Variants in DIP2B observed in about 807,000 individuals in gnomAD.
DIP2B encodes the protein disco-interacting protein 2 homolog B.
DIP2B carries 76 observed loss-of-function variants against 198.0 expected under a neutral mutation model. The ratio of observed to expected loss-of-function variants is 0.38; its 90% CI spans 0.32 to 0.46. The LOEUF (loss-of-function observed/expected upper bound fraction) is 0.46, where lower values mean the gene tolerates loss of function less well. Ranked by LOEUF, DIP2B falls within the 20% of genes least tolerant of loss-of-function variation. The pLI, the probability that DIP2B is intolerant of heterozygous loss-of-function variation, is 0.99. For missense variants in DIP2B, 1,559 were observed against 1,978.4 expected (o/e 0.79, Z 4.02); for synonymous variants, 701 against 739.1 (o/e 0.95, Z 0.84).
At chr12:50,659,400 A>T (rs1170003194) in intron 3 of DIP2B, among the ~76,000 whole-genome samples, 1 of 152,072 alleles carries the variant, frequency 6.6e-6, no homozygotes, top group African/African-American at 2.4e-5. Context: ...CCATTCCTAG[A>T]CAAAAGGAAA....
rs1940315062 is a variant in DIP2B, at chr12:50,744,596, C to G, written c.4488C>G (p.Phe1496Leu). Residue 1496 changes from phenylalanine to leucine, a missense_variant, in exon 38 of 38, where the codon TTC becomes TTG. Physicochemically the swap from Phe to Leu is conservative, Grantham distance 22. Transcript: ENST00000301180. Reference sequence around the variant, plus strand: ...GTCATTGAAATTTCAGTGCCGTGTTCACATGGACCAACTTGCTTGTGGTGG... The same window carrying G: ...GTCATTGAAATTTCAGTGCCGTGTTGACATGGACCAACTTGCTTGTGGTGG... ...IHRSIAECAVFTWTNLLVVVV... is the reference protein window; with the variant it reads ...IHRSIAECAVLTWTNLLVVVV... The G allele has an allele frequency of 1.9e-6, 3 of 1,613,540 alleles. No individual in the cohort carries two copies. The highest frequency in any genetic ancestry group is 2.5e-6 in the Non-Finnish European group (3 of 1,179,642).
intron 10 of DIP2B, among the ~76,000 whole-genome samples, chr12:50,683,849 C>T (rs755984023): frequency 9.2e-5 from 14 of 152,112 alleles, no homozygotes; most frequent in Non-Finnish European, 2.1e-4. Context: ...TGGTGGCTCA[C>T]GCCTGTAATC....
At chr12:50,728,313 C>T (rs1005217194) in intron 29 of DIP2B, among the ~76,000 whole-genome samples, 3 of 151,670 alleles carry the variant, frequency 2.0e-5, no homozygotes, top group African/African-American at 7.3e-5. Context: ...TGCCATTGCA[C>T]CGCAGCCTGG....
chr12:50,741,469 A>G lies in DIP2B; in HGVS notation c.4408A>G (p.Arg1470Gly), dbSNP rs777296647. 1 of 1,614,166 alleles carries G rather than the reference A, an allele frequency of 6.2e-7. No homozygotes were observed. Among genetic ancestry groups the G allele is most frequent in the Non-Finnish European group, 8.5e-7 (1 of 1,180,022 alleles). The change falls in exon 37 of 38, where the codon AGA becomes GGA. Residue 1470 changes from arginine to glycine, a missense_variant. Physicochemically the swap from Arg to Gly is moderately radical, Grantham distance 125 (BLOSUM62 -2). Coordinates refer to ENST00000301180, the MANE Select transcript of DIP2B (RefSeq NM_173602.3). ...AGCGCTGGATGAAACACTGGAGCTGAGAGGATTACGATACCACCCAATTGA... is the reference window on the plus strand; with the variant it reads ...AGCGCTGGATGAAACACTGGAGCTGGGAGGATTACGATACCACCCAATTGA... Reference protein sequence around the residue: ...VGALDETLELRGLRYHPIDIE... With the variant: ...VGALDETLELGGLRYHPIDIE...
chr12:50,656,306 T>G (rs1012027181), intron 3 of DIP2B, among the ~76,000 whole-genome samples: 15 of 152,212 alleles, frequency 9.9e-5, no homozygotes, highest in Non-Finnish European at 2.1e-4. Flanking sequence ...AGGAGCCACT[T>G]TTCCTTGAAG....
chr12:50,719,679 A>G (rs1194970466), intron 25 of DIP2B, among the ~76,000 whole-genome samples: 4 of 151,636 alleles, frequency 2.6e-5, no homozygotes, highest in Non-Finnish European at 5.9e-5. Context: ...TGTCTCTACT[A>G]AAAATATAAA....
chr12:50,694,850 G>A (rs929673842), intron 14 of DIP2B, among the ~76,000 whole-genome samples: 6 of 151,832 alleles, frequency 4.0e-5, no homozygotes, highest in Admixed American at 2.0e-4. Context: ...ATACTGTGCC[G>A]CAGTTCAAAA....
At chr12:50,719,570 A>G (rs1939794711) in intron 25 of DIP2B, among the ~76,000 whole-genome samples, 1 of 152,184 alleles carries the variant, frequency 6.6e-6, no homozygotes, top group Non-Finnish European at 1.5e-5. Context: ...GACTGGGCAC[A>G]GTGGCTCACA....
At chr12:50,731,652 A>G (rs1486487949) in intron 31 of DIP2B, 115 bp downstream of exon 31, 2 of 1,284,922 alleles carry the variant, frequency 1.6e-6, no homozygotes, top group Admixed American at 5.5e-5. Context: ...TTTTCAAGTC[A>G]CTCAGTTAAA....
At chr12:50,591,324 A>G (rs1440534303) in intron 1 of DIP2B, among the ~76,000 whole-genome samples, 1 of 152,050 alleles carries the variant, frequency 6.6e-6, no homozygotes, top group Non-Finnish European at 1.5e-5. Flanking sequence ...CTAGCCTTTT[A>G]TGATATTGAT....
At chr12:50,554,760 C>T (rs1958455213) in intron 1 of DIP2B, among the ~76,000 whole-genome samples, 2 of 148,070 alleles carry the variant, frequency 1.4e-5, no homozygotes, top group African/African-American at 4.9e-5. Context: ...TCTCGCCGCT[C>T]CCCCCCCGCC....
intron 37 of DIP2B, among the ~76,000 whole-genome samples, chr12:50,742,121 G>A (rs1049923537): frequency 9.9e-5 from 15 of 152,022 alleles, no homozygotes; most frequent in African/African-American, 3.4e-4. Flanking sequence ...GGTTTGGCCG[G>A]CCACAGTGGC....
chr12:50,608,866 G>T (rs565490909), intron 1 of DIP2B, among the ~76,000 whole-genome samples: 61 of 152,282 alleles, frequency 4.0e-4, no homozygotes, highest in Non-Finnish European at 8.4e-4. Flanking sequence ...TATTAGCCGG[G>T]CATGGTGGCT....
intron 1 of DIP2B, among the ~76,000 whole-genome samples, chr12:50,531,695 C>T (rs888231190): frequency 1.3e-5 from 2 of 152,014 alleles, no homozygotes; most frequent in African/African-American, 2.4e-5. Context: ...TAGAGGCAGG[C>T]GGGGTACCCT....
chr12:50,739,259 G>T, intron 35 of DIP2B, 150 bp from the exon 36 acceptor site: 1 of 717,696 alleles, frequency 1.4e-6, no homozygotes. Flanking sequence ...TACATGATGA[G>T]CACGTGGTAA....
chr12:50,508,062 G>T (rs1165670073), intron 1 of DIP2B, among the ~76,000 whole-genome samples: 1 of 152,204 alleles, frequency 6.6e-6, no homozygotes, highest in Non-Finnish European at 1.5e-5. Flanking sequence ...TGAAATGCAG[G>T]TTTGTGCCTG....
chr12:50,634,574 C>T (rs939081918), intron 2 of DIP2B, among the ~76,000 whole-genome samples: 2 of 152,146 alleles, frequency 1.3e-5, no homozygotes, highest in African/African-American at 4.8e-5. Flanking sequence ...TGCTCCGTCA[C>T]TCTACTTAGG....
At chr12:50,624,722 A>G (rs1029659099) in intron 1 of DIP2B, among the ~76,000 whole-genome samples, 2 of 152,206 alleles carry the variant, frequency 1.3e-5, no homozygotes, top group Non-Finnish European at 2.9e-5. Context: ...AATTCAAGCT[A>G]CTACTTACTC....
intron 1 of DIP2B, among the ~76,000 whole-genome samples, chr12:50,565,097 G>A (rs1255371140): frequency 2.0e-5 from 3 of 151,910 alleles, no homozygotes; most frequent in African/African-American, 2.4e-5. Context: ...TTGACCTCCC[G>A]ACTCAAGTGA....
Sources: allele counts gnomAD v4.1 joint callset (sites outside exome capture counted in the v4.1 genomes callset), GRCh38; gene constraint gnomAD v4.1.1; transcripts MANE v1.5; gene names NCBI Gene and HGNC (gene_info 2026-07-23, HGNC 2026-07-21).